The following PALLD variants were observed in gnomAD, a reference collection of about 807,000 sequenced individuals.
PALLD encodes palladin.
In PALLD, 61 loss-of-function variants were observed where a neutral mutation model predicts 123.5. That is an observed-to-expected ratio of 0.49 (90% CI 0.40 to 0.61). The LOEUF (loss-of-function observed/expected upper bound fraction) is 0.61. PALLD is among the 20% of genes least tolerant of loss of function. The pLI, the probability that PALLD is intolerant of heterozygous loss-of-function variation, is 0.00. For missense variants in PALLD, 1,273 were observed against 1,377.0 expected, an observed-to-expected ratio of 0.92 and a Z score of 1.20; for synonymous variants, 465 against 496.4, an observed-to-expected ratio of 0.94 and a Z score of 0.84.
In PALLD at chr4:168,511,823, G is replaced by A. The variant is rs1370013541; in HGVS notation, c.319G>A (p.Glu107Lys). The A allele has an allele frequency of 2.5e-6, 4 of 1,614,076 alleles. No homozygotes were observed. The highest frequency in any genetic ancestry group is 3.4e-6 in the Non-Finnish European group (4 of 1,180,050). Residue 107 changes from glutamate to lysine, a missense_variant, in exon 2 of 22, where the codon GAG becomes AAG. Transcript: ENST00000505667. ...NRSTPVQPLAEKQTKSISSPV... is the reference protein window; with the variant it reads ...NRSTPVQPLAKKQTKSISSPV... ...GTCAACACCTGTCCAGCCTCTGGCA[G>A]AGAAACAAACTAAGAGTATCTCTTC...
chr4:168,511,339 T>C, intron 1 of PALLD, 84 bp from the exon 2 acceptor site: 1 of 612,586 alleles, frequency 1.6e-6, no homozygotes. Flanking sequence ...CTTTAATGTT[T>C]CTCCCAATTT....
At chr4:168,518,650 T>G (rs1237032422) in intron 2 of PALLD, among the ~76,000 whole-genome samples, 2 of 152,232 alleles carry the variant, frequency 1.3e-5, no homozygotes, top group Admixed American at 1.3e-4. Context: ...ACCTTTACAA[T>G]ATGGCCTCCT....
At chr4:168,743,140 A>G (rs1788525778) in intron 10 of PALLD, among the ~76,000 whole-genome samples, 1 of 152,180 alleles carries the variant, frequency 6.6e-6, no homozygotes, top group African/African-American at 2.4e-5. Context: ...GTTCTCTGAC[A>G]CCAGAGATTG....
chr4:168,735,817 G>A (rs917033213), intron 10 of PALLD, among the ~76,000 whole-genome samples: 6 of 152,104 alleles, frequency 3.9e-5, no homozygotes, highest in African/African-American at 1.4e-4. Context: ...TTCTGAACAA[G>A]CGAGGATTAG....
chr4:168,557,137 G>A (rs1371540193), intron 2 of PALLD, among the ~76,000 whole-genome samples: 6 of 152,060 alleles, frequency 3.9e-5, no homozygotes, highest in South Asian at 4.2e-4. Context: ...TCCACCTCCC[G>A]GCTTCAAGCA....
intron 14 of PALLD, among the ~76,000 whole-genome samples, chr4:168,903,412 T>G (rs1053089017): frequency 1.3e-5 from 2 of 152,162 alleles, no homozygotes; most frequent in Non-Finnish European, 2.9e-5. Context: ...AGAAGGCCAC[T>G]TCATAGAAAT....
At chr4:168,669,331 C>T (rs117026324) in intron 3 of PALLD, among the ~76,000 whole-genome samples, 6,239 of 152,110 alleles carry the variant, frequency 0.041, 140 homozygotes, top group Non-Finnish European at 0.044. Flanking sequence ...TTTGGGAGCC[C>T]GAGGCAGGAG....
chr4:168,683,150 C>A, intron 5 of PALLD, 47 bp downstream of exon 5: 1 of 1,031,666 alleles, frequency 9.7e-7, no homozygotes, highest in Non-Finnish European at 1.5e-6. Flanking sequence ...AACTCATCAG[C>A]AAACTTGTGG....
At chr4:168,911,018 T>G (rs1447661910) in intron 15 of PALLD, among the ~76,000 whole-genome samples, 1 of 152,172 alleles carries the variant, frequency 6.6e-6, no homozygotes, top group Non-Finnish European at 1.5e-5. Context: ...GATAACACAG[T>G]ACCAGCTATG....
At chr4:168,768,337 C>G (rs1733954425) in intron 10 of PALLD, among the ~76,000 whole-genome samples, 1 of 152,214 alleles carries the variant, frequency 6.6e-6, no homozygotes, top group African/African-American at 2.4e-5. Flanking sequence ...AACATCCGCT[C>G]TACCTGTGAG....
chr4:168,760,034 A>G (rs998283961), intron 10 of PALLD, among the ~76,000 whole-genome samples: 2 of 151,174 alleles, frequency 1.3e-5, no homozygotes, highest in Non-Finnish European at 2.9e-5. Context: ...AGCCTGGGCG[A>G]CAGAGACTGT....
intron 8 of PALLD, among the ~76,000 whole-genome samples, chr4:168,707,807 T>C (rs1258599605): frequency 6.6e-6 from 1 of 152,192 alleles, no homozygotes. Context: ...ACCAATAGAA[T>C]CACTTTGTGG....
intron 2 of PALLD, among the ~76,000 whole-genome samples, chr4:168,568,491 G>C (rs28667228): frequency 6.6e-6 from 1 of 151,848 alleles, no homozygotes; most frequent in Non-Finnish European, 1.5e-5. Flanking sequence ...GAAAAAAATA[G>C]GGTATTTCTC....
intron 10 of PALLD, among the ~76,000 whole-genome samples, chr4:168,800,572 C>A (rs1739180910): frequency 6.6e-6 from 1 of 151,970 alleles, no homozygotes. Context: ...CATTACACAC[C>A]CATTTAATTG....
intron 2 of PALLD, among the ~76,000 whole-genome samples, chr4:168,558,594 G>A (rs1767564530): frequency 6.6e-6 from 1 of 152,180 alleles, no homozygotes; most frequent in African/African-American, 2.4e-5. Context: ...TTGATGCGCT[G>A]AAGGGCCCAA....
At chr4:168,925,680 C>T (rs1295699670) in intron 21 of PALLD, among the ~76,000 whole-genome samples, 1 of 151,718 alleles carries the variant, frequency 6.6e-6, no homozygotes, top group East Asian at 1.9e-4. Flanking sequence ...TATCCATTGA[C>T]ATAAAAAAAA....
At chr4:168,900,053 G>T (rs1026081104) in intron 14 of PALLD, among the ~76,000 whole-genome samples, 2 of 152,184 alleles carry the variant, frequency 1.3e-5, no homozygotes, top group South Asian at 2.1e-4. Context: ...AGGCGAAAAA[G>T]GTGAATCACA....
intron 2 of PALLD, among the ~76,000 whole-genome samples, chr4:168,579,191 A>C (rs1426576221): frequency 1.3e-5 from 2 of 152,190 alleles, no homozygotes; most frequent in African/African-American, 2.4e-5. Context: ...CACAATGGCT[A>C]ATAGTGCCAT....
intron 4 of PALLD, 80 bp downstream of exon 4, chr4:168,681,478 G>A: frequency 2.2e-6 from 2 of 896,260 alleles, no homozygotes. Flanking sequence ...CATGTTTGCT[G>A]TGCTTTGAAG....
Sources: gnomAD v4.1 joint callset for allele counts (sites outside exome capture counted in the v4.1 genomes callset) on GRCh38, gnomAD v4.1.1 for gene constraint, MANE v1.5 for transcripts, NCBI Gene and HGNC (gene_info 2026-07-23, HGNC 2026-07-21) for gene names.